TJP1: variants seen among roughly 807,000 people sequenced by gnomAD.
TJP1 encodes the protein tight junction protein ZO-1.
A neutral mutation model predicts 194.2 loss-of-function variants in TJP1; 43 were observed. That is an observed-to-expected ratio of 0.22 (90% CI 0.17 to 0.29). The LOEUF is 0.29. TJP1 is among the 10% of genes least tolerant of loss of function. The probability of loss-of-function intolerance (pLI) is 1.00; values close to 1 mark genes in which losing one functional copy is unlikely to be tolerated. For missense variants in TJP1, 1,971 were observed against 2,185.7 expected (o/e 0.90, Z 1.96); for synonymous variants, 801 against 779.0 (o/e 1.03, Z -0.47).
exon 1 of TJP1, chr15:29,968,792 C>T: frequency 8.4e-7 from 1 of 1,196,150 alleles, no homozygotes; most frequent in African/African-American, 1.6e-5. Flanking sequence ...GGGCAGGGCC[C>T]CGCCGCCTCC....
At chr15:29,826,039 A>C (rs2050664213), upstream of TJP1, among the ~76,000 whole-genome samples, 1 of 152,216 alleles carries the variant, frequency 6.6e-6, no homozygotes, top group Admixed American at 6.5e-5. Context: ...CAAACATTAT[A>C]AACTGTATAT....
At chr15:29,893,371 T>C (rs72719093) in intron 2 of TJP1, among the ~76,000 whole-genome samples, 16,050 of 152,248 alleles carry the variant, frequency 0.11, 1,080 homozygotes, top group East Asian at 0.24. Context: ...TAAACTTAGC[T>C]GATAAAGCAG....
intron 4 of TJP1, among the ~76,000 whole-genome samples, chr15:29,771,855 T>G (rs548570863): frequency 2.0e-5 from 3 of 151,222 alleles, no homozygotes; most frequent in African/African-American, 7.3e-5. Context: ...CCTTTTTCAA[T>G]TGAAAAAAAT....
chr15:29,746,483 T>G (rs1424192651), intron 8 of TJP1, among the ~76,000 whole-genome samples: 7 of 152,076 alleles, frequency 4.6e-5, no homozygotes, highest in African/African-American at 1.7e-4. Flanking sequence ...TAAAAACTTT[T>G]CTCTAAAATA....
chr15:29,885,335 C>T (rs1317653162), intron 2 of TJP1, among the ~76,000 whole-genome samples: 2 of 152,218 alleles, frequency 1.3e-5, no homozygotes, highest in African/African-American at 4.8e-5. Flanking sequence ...AGTGTTCCTA[C>T]CACTGCAGAG....
intron 2 of TJP1, among the ~76,000 whole-genome samples, chr15:29,849,624 AGCTAC>A (rs2051560511): frequency 6.6e-6 from 1 of 151,830 alleles, no homozygotes; most frequent in Admixed American, 6.6e-5. Flanking sequence ...CTGTAATCCT[AGCTAC>A]TCAGGAGGCT....
chr15:29,760,448 T>A (rs1224898439), intron 8 of TJP1: 14 of 548,878 alleles, frequency 2.6e-5, no homozygotes, highest in African/African-American at 3.9e-5. Context: ...CGATCTCGGC[T>A]CACTGCAACC....
chr15:29,761,739 A>G lies in TJP1; in HGVS notation c.724T>C (p.Leu242=). The G allele has an allele frequency of 6.3e-7, 1 of 1,581,834 alleles. No individual in the cohort carries two copies. The highest frequency in any genetic ancestry group is 8.7e-7 in the Non-Finnish European group (1 of 1,155,896). ...TCTATCAATGTCTTTGCATCTGTCAATGACATATTTTCTGTCACAGTACCA... is the reference window on the plus strand; with the variant it reads ...TCTATCAATGTCTTTGCATCTGTCAGTGACATATTTTCTGTCACAGTACCA... ...INGTVTENMS[L]TDAKTLIERS... The change falls in exon 7 of 28, where the codon TTG becomes CTG. Residue 242 remains leucine, a synonymous_variant. Transcript: ENST00000614355.
At chr15:29,938,127 T>C (rs2054943510) in intron 2 of TJP1, among the ~76,000 whole-genome samples, 1 of 152,212 alleles carries the variant, frequency 6.6e-6, no homozygotes, top group Non-Finnish European at 1.5e-5. Flanking sequence ...GTTTTTAAAA[T>C]GTAAACAGCA....
intron 2 of TJP1, among the ~76,000 whole-genome samples, chr15:29,903,779 T>A (rs1159075871): frequency 6.6e-6 from 1 of 152,210 alleles, no homozygotes; most frequent in Admixed American, 6.5e-5. Flanking sequence ...GGAAATTAGA[T>A]ATTTGTCCTC....
rs147742022 is a variant in TJP1, at chr15:29,932,350, T to C, written c.306+23882A>G. Among the ~76,000 whole-genome samples the C allele has an allele frequency of 2.3e-3, 352 of 152,268 alleles. 1 individual carries two copies. The highest frequency in any genetic ancestry group is 5.4e-3 in the South Asian group (26 of 4,820). ...CCACACATATATGGAAACCTGGCAT[T>C]TGACAGACATGGTATTATAGATCAG... On this transcript the variant is annotated intron_variant, in intron 2 of 28. Transcript: ENST00000356107.
chr15:29,797,896 GAT>G (rs1338694287), intron 2 of TJP1, among the ~76,000 whole-genome samples: 1 of 152,154 alleles, frequency 6.6e-6, no homozygotes, highest in African/African-American at 2.4e-5. Flanking sequence ...TTTTACCAAA[GAT>G]ATATGGACAA....
chr15:29,809,079 T>C (rs1171487140), intron 1 of TJP1, among the ~76,000 whole-genome samples: 1 of 152,212 alleles, frequency 6.6e-6, no homozygotes, highest in Non-Finnish European at 1.5e-5. Flanking sequence ...ATATGTGATA[T>C]GTATTATGAT....
At chr15:29,929,293 A>C (rs2054624752) in intron 2 of TJP1, among the ~76,000 whole-genome samples, 1 of 152,248 alleles carries the variant, frequency 6.6e-6, no homozygotes, top group East Asian at 1.9e-4. Flanking sequence ...TGACAATGAA[A>C]GCACTAACTA....
chr15:29,839,973 T>G (rs2051165318), intron 2 of TJP1, among the ~76,000 whole-genome samples: 1 of 152,240 alleles, frequency 6.6e-6, no homozygotes, highest in African/African-American at 2.4e-5. Context: ...TGTGGTTTTA[T>G]TAAGAATTTG....
intron 2 of TJP1, among the ~76,000 whole-genome samples, chr15:29,775,326 GAAA>G (rs11331546): frequency 1.4e-5 from 2 of 145,142 alleles, no homozygotes; most frequent in Admixed American, 6.9e-5. Context: ...ATTTAATACA[GAAA>G]AAAAAAAAAA....
At chr15:29,801,947 G>A (rs2048820470) in intron 1 of TJP1, among the ~76,000 whole-genome samples, 1 of 152,030 alleles carries the variant, frequency 6.6e-6, no homozygotes, top group South Asian at 2.1e-4. Context: ...ACGAATTTGT[G>A]TTGGGCCGCA....
intron 10 of TJP1, among the ~76,000 whole-genome samples, chr15:29,740,719 C>T (rs1167568168): frequency 6.6e-6 from 1 of 151,896 alleles, no homozygotes; most frequent in Non-Finnish European, 1.5e-5. Context: ...CTCAATTCTA[C>T]CAAGTATATA....
chr15:29,967,018 C>CT (rs200016160), intron 1 of TJP1, among the ~76,000 whole-genome samples: 57,120 of 144,780 alleles, frequency 0.39, 11,141 homozygotes, highest in South Asian at 0.51. Context: ...ATTAAAATAT[C>CT]TTTTTTTTTT....
Sources: allele counts gnomAD v4.1 joint callset (sites outside exome capture counted in the v4.1 genomes callset), GRCh38; gene constraint gnomAD v4.1.1; transcripts MANE v1.5; gene names NCBI Gene and HGNC (gene_info 2026-07-23, HGNC 2026-07-21).